Variants in IFT57 observed in about 807,000 individuals in gnomAD.
IFT57 encodes the protein intraflagellar transport 57.
In IFT57, 59 loss-of-function variants were observed where a neutral mutation model predicts 56.8. That is an observed-to-expected ratio of 1.04 (90% CI 0.84 to 1.29). The LOEUF (loss-of-function observed/expected upper bound fraction) is 1.29, where lower values mean the gene tolerates loss of function less well. IFT57 is among the 50% of genes most tolerant of loss of function. The pLI, the probability that IFT57 is intolerant of heterozygous loss-of-function variation, is 0.00. For missense variants in IFT57, 470 were observed against 522.1 expected, an observed-to-expected ratio of 0.90 and a Z score of 0.97; for synonymous variants, 209 against 186.1, an observed-to-expected ratio of 1.12 and a Z score of -1.00.
chr3:108,215,278 C>A (rs562873888), intron 3 of IFT57, among the ~76,000 whole-genome samples: 1 of 152,016 alleles, frequency 6.6e-6, no homozygotes, highest in Admixed American at 6.5e-5. Context: ...AAACTTGTAC[C>A]TGGCTGGGTG....
At chr3:108,174,849 C>A (rs576480411) in intron 6 of IFT57, among the ~76,000 whole-genome samples, 2 of 151,952 alleles carry the variant, frequency 1.3e-5, no homozygotes, top group South Asian at 4.2e-4. Flanking sequence ...AGCAGAGGTG[C>A]AGCTGAAGCA....
intron 8 of IFT57, among the ~76,000 whole-genome samples, chr3:108,165,906 C>A (rs1472651903): frequency 6.6e-6 from 1 of 151,902 alleles, no homozygotes; most frequent in Non-Finnish European, 1.5e-5. Flanking sequence ...GATTAACATC[C>A]CGTAAGACAG....
At chr3:108,194,845 T>C (rs551795312) in intron 5 of IFT57, among the ~76,000 whole-genome samples, 173 of 152,234 alleles carry the variant, frequency 1.1e-3, no homozygotes, top group African/African-American at 4.0e-3. Context: ...CAAATAAATA[T>C]GGATTAAACA....
intron 4 of IFT57, among the ~76,000 whole-genome samples, chr3:108,211,951 T>G (rs1416924218): frequency 2.0e-5 from 3 of 152,210 alleles, no homozygotes; most frequent in African/African-American, 4.8e-5. Context: ...TACATTCCCA[T>G]GTCAGTAACT....
intron 6 of IFT57, among the ~76,000 whole-genome samples, chr3:108,173,934 T>C (rs59499415): frequency 0.093 from 13,793 of 149,098 alleles, 691 homozygotes; most frequent in Middle Eastern, 0.11. Context: ...GAAAATACAG[T>C]CTCAAAAAGA....
chr3:108,196,434 C>G (rs2080244887), intron 5 of IFT57, among the ~76,000 whole-genome samples: 1 of 152,148 alleles, frequency 6.6e-6, no homozygotes, highest in African/African-American at 2.4e-5. Context: ...GGGCATTTTT[C>G]ATAAAGGCAG....
At chr3:108,179,538 T>C (rs1022444504) in intron 6 of IFT57, among the ~76,000 whole-genome samples, 1 of 152,048 alleles carries the variant, frequency 6.6e-6, no homozygotes, top group East Asian at 1.9e-4. Context: ...TATTCTCTTT[T>C]TGCCACTTGG....
At chr3:108,171,932 T>C (rs1353013914) in intron 6 of IFT57, among the ~76,000 whole-genome samples, 1 of 146,712 alleles carries the variant, frequency 6.8e-6, no homozygotes, top group Non-Finnish European at 1.5e-5. Flanking sequence ...TCTCTCCATA[T>C]ATATGTATTT....
chr3:108,167,969 T>C, intron 6 of IFT57, 105 bp from the exon 7 acceptor site: 1 of 719,828 alleles, frequency 1.4e-6, no homozygotes. Flanking sequence ...TCCTGCCCTA[T>C]TTCAGGTGGG....
chr3:108,163,125 C>CA (rs1294494798), intron 10 of IFT57, among the ~76,000 whole-genome samples: 1 of 152,008 alleles, frequency 6.6e-6, no homozygotes. Flanking sequence ...TTTTCTAGGG[C>CA]ATAGAAAAGC....
chr3:108,177,515 A>C (rs764318437), intron 6 of IFT57, among the ~76,000 whole-genome samples: 12 of 151,940 alleles, frequency 7.9e-5, no homozygotes, highest in Non-Finnish European at 1.8e-4. Flanking sequence ...TATCATAATC[A>C]AGTTGCATTT....
In IFT57 at chr3:108,167,790, T is replaced by C; in HGVS notation, c.849+3A>G. On this transcript the variant is annotated splice_donor_region_variant and intron_variant, in intron 7 of 10. Transcript: ENST00000264538. The stretch of plus-strand genomic sequence containing the variant: ...ATTGATTCACGTAAAGTAATTCATA[T>C]ACCTTGGTCTCCTTTAGAGCAGATT... The C allele has an allele frequency of 6.4e-6, 10 of 1,551,058 alleles. No homozygotes were observed. The highest frequency in any genetic ancestry group is 8.7e-6 in the Non-Finnish European group (10 of 1,145,598).
At chr3:108,215,206 A>G (rs923069312) in intron 3 of IFT57, among the ~76,000 whole-genome samples, 8 of 151,226 alleles carry the variant, frequency 5.3e-5, no homozygotes, top group South Asian at 4.2e-4. Context: ...CTTATTTATG[A>G]AAACATATTT....
At chr3:108,212,459 C>T (rs373531372) in intron 4 of IFT57, among the ~76,000 whole-genome samples, 14 of 152,224 alleles carry the variant, frequency 9.2e-5, no homozygotes, top group African/African-American at 2.9e-4. Context: ...CTTCTCTGGC[C>T]ATGTGAGGTG....
At chr3:108,192,097 G>A (rs758794378) in intron 5 of IFT57, among the ~76,000 whole-genome samples, 5 of 149,638 alleles carry the variant, frequency 3.3e-5, no homozygotes, top group Non-Finnish European at 7.4e-5. Flanking sequence ...GAGTAAACCC[G>A]GGAGGCGGAG....
At chr3:108,164,377 G>A (rs1045866731) in intron 9 of IFT57, among the ~76,000 whole-genome samples, 4 of 151,918 alleles carry the variant, frequency 2.6e-5, no homozygotes, top group South Asian at 2.1e-4. Context: ...AATATAAGTA[G>A]AAAATACTAT....
chr3:108,197,822 T>C (rs2080251727), intron 5 of IFT57, among the ~76,000 whole-genome samples: 1 of 152,168 alleles, frequency 6.6e-6, no homozygotes, highest in African/African-American at 2.4e-5. Flanking sequence ...CATGACTTAC[T>C]AGCTGTTGGT....
chr3:108,170,165 A>G (rs936200338), intron 6 of IFT57, among the ~76,000 whole-genome samples: 2 of 152,080 alleles, frequency 1.3e-5, no homozygotes, highest in African/African-American at 4.8e-5. Context: ...CAGGCAATAG[A>G]AAGAAATAAA....
At chr3:108,163,307 T>C (rs1193136578) in intron 10 of IFT57, among the ~76,000 whole-genome samples, 5 of 152,236 alleles carry the variant, frequency 3.3e-5, no homozygotes, top group Non-Finnish European at 5.9e-5. Context: ...TTTGGGCATA[T>C]ACTTAGTGCC....
Sources: allele counts gnomAD v4.1 joint callset (sites outside exome capture counted in the v4.1 genomes callset), GRCh38; gene constraint gnomAD v4.1.1; transcripts MANE v1.5; gene names NCBI Gene and HGNC (gene_info 2026-07-23, HGNC 2026-07-21).